The following ARHGAP18 variants were observed in gnomAD, a reference collection of about 807,000 sequenced individuals.
ARHGAP18 encodes the protein rho GTPase-activating protein 18.
A neutral mutation model predicts 86.2 loss-of-function variants in ARHGAP18; 67 were observed. The observed-to-expected ratio is 0.78, with a 90% CI of 0.64 to 0.95. The LOEUF is 0.95. ARHGAP18 is among the 40% of genes least tolerant of loss of function. The pLI is 0.00. For synonymous variants in ARHGAP18, 283 were observed against 280.4 expected, an observed-to-expected ratio of 1.01 and a Z score of -0.09; for missense variants, 691 against 780.4, an observed-to-expected ratio of 0.89 and a Z score of 1.37.
chr6:129,629,887 AAAAG>A (rs1355543344), intron 4 of ARHGAP18, among the ~76,000 whole-genome samples: 1 of 152,218 alleles, frequency 6.6e-6, no homozygotes, highest in Non-Finnish European at 1.5e-5. Context: ...TAAAAGCAAA[AAAAG>A]AAGGAGGTGA....
At chr6:129,579,080 T>C (rs1038001198) in intron 14 of ARHGAP18, among the ~76,000 whole-genome samples, 2 of 152,184 alleles carry the variant, frequency 1.3e-5, no homozygotes, top group African/African-American at 2.4e-5. Context: ...TTTCTCCAAA[T>C]GAATAGGTTT....
chr6:129,636,111 C>T (rs1773329433), intron 3 of ARHGAP18, among the ~76,000 whole-genome samples: 2 of 152,172 alleles, frequency 1.3e-5, no homozygotes, highest in African/African-American at 4.8e-5. Flanking sequence ...AATTTCCTTA[C>T]CATTCATTTT....
At position 129,614,438 on chromosome 6, in the gene ARHGAP18, T is replaced by C. The variant is rs563266695; in HGVS notation, c.1044+1774A>G. On this transcript the variant is annotated intron_variant, in intron 7 of 14. Transcript: ENST00000368149. ...TTATTTTTTATAGAAACAAAAATAC[T>C]TTAGGGCCATTATCCAATCCTTCAA... Among the ~76,000 whole-genome samples, 16 of 152,312 alleles carry C rather than the reference T, an allele frequency of 1.1e-4. No homozygotes were observed. In the East Asian group the frequency reaches 2.9e-3, roughly 28 times the overall value.
chr6:129,626,105 C>CACACACACACATATAT (rs1425322925), intron 5 of ARHGAP18, among the ~76,000 whole-genome samples: 26 of 124,872 alleles, frequency 2.1e-4, no homozygotes, highest in Non-Finnish European at 3.6e-4. Context: ...CACACACACA[C>CACACACACACATATAT]ATATATAGAA....
chr6:129,667,670 C>A (rs948014775), intron 1 of ARHGAP18, among the ~76,000 whole-genome samples: 1 of 151,610 alleles, frequency 6.6e-6, no homozygotes, highest in Non-Finnish European at 1.5e-5. Context: ...CCCTTCAGGT[C>A]AGGATTTGCC....
At chr6:129,633,676 T>A (rs1432226250) in intron 4 of ARHGAP18, among the ~76,000 whole-genome samples, 1 of 152,168 alleles carries the variant, frequency 6.6e-6, no homozygotes, top group African/African-American at 2.4e-5. Context: ...TGTGTTGCAT[T>A]GGAAAGTGGC....
At chr6:129,696,543 C>T (rs192301863) in intron 1 of ARHGAP18, among the ~76,000 whole-genome samples, 7 of 152,206 alleles carry the variant, frequency 4.6e-5, no homozygotes, top group Admixed American at 3.3e-4. Flanking sequence ...CCCAATCCTT[C>T]GAAAATATCA....
At position 129,618,814 on chromosome 6, in the gene ARHGAP18, C is replaced by T; in HGVS notation, c.825G>A (p.Arg275=). Residue 275 remains arginine (R), a synonymous_variant, in exon 6 of 15, where the codon AGG becomes AGA. Coordinates refer to ENST00000368149, the MANE Select transcript of ARHGAP18 (RefSeq NM_033515.3). The stretch of plus-strand genomic sequence containing the variant: ...TGTCCTGGGGTGCGAGGTCACCAAT[C>T]CTTGTGGTACCCGTTTTGTCTTTTG... The part of the protein sequence containing the change: ...RLPKDKTGTT[R]IGDLAPQDMK... 1 of 1,612,868 alleles carries T rather than the reference C, an allele frequency of 6.2e-7. No individual in the cohort carries two copies. The highest frequency in any genetic ancestry group is 8.5e-7 in the Non-Finnish European group (1 of 1,179,768).
intron 5 of ARHGAP18, among the ~76,000 whole-genome samples, chr6:129,619,725 G>A (rs1321538437): frequency 6.6e-6 from 1 of 151,128 alleles, no homozygotes; most frequent in East Asian, 2.0e-4. Flanking sequence ...ATGAGTGTAT[G>A]CTTAGAACAT....
intron 1 of ARHGAP18, among the ~76,000 whole-genome samples, chr6:129,690,510 C>T (rs1774508899): frequency 6.6e-6 from 1 of 152,144 alleles, no homozygotes; most frequent in African/African-American, 2.4e-5. Flanking sequence ...GTCTACATTA[C>T]TCACAAGTAC....
At chr6:129,607,022 G>C (rs2114456057) in intron 9 of ARHGAP18, among the ~76,000 whole-genome samples, 1 of 151,994 alleles carries the variant, frequency 6.6e-6, no homozygotes, top group African/African-American at 2.4e-5. Context: ...ACTATGCCTG[G>C]CTAATTTTTG....
At chr6:129,618,923 A>C in intron 5 of ARHGAP18, 71 bp from the exon 6 acceptor site, 1 of 1,345,048 alleles carries the variant, frequency 7.4e-7, no homozygotes, top group Non-Finnish European at 1.0e-6. Flanking sequence ...GGAAGGAAAA[A>C]CCAACTACAG....
intron 10 of ARHGAP18, among the ~76,000 whole-genome samples, chr6:129,603,307 T>C (rs1047023378): frequency 6.6e-6 from 1 of 152,216 alleles, no homozygotes; most frequent in African/African-American, 2.4e-5. Flanking sequence ...TCCAAGTTGT[T>C]GCAGAGGCCA....
chr6:129,647,717 T>C (rs1006696281), intron 1 of ARHGAP18, among the ~76,000 whole-genome samples: 1 of 151,872 alleles, frequency 6.6e-6, no homozygotes, highest in South Asian at 2.1e-4. Context: ...CCTCAGATCA[T>C]GACATATAAA....
At chr6:129,604,259 G>T (rs1687352876) in intron 10 of ARHGAP18, among the ~76,000 whole-genome samples, 1 of 148,196 alleles carries the variant, frequency 6.7e-6, no homozygotes, top group Non-Finnish European at 1.5e-5. Context: ...CAAAATGTAA[G>T]AACTATCCTA....
chr6:129,659,266 C>A (rs529922920), intron 1 of ARHGAP18, among the ~76,000 whole-genome samples: 2 of 152,148 alleles, frequency 1.3e-5, no homozygotes, highest in African/African-American at 4.8e-5. Context: ...AGGTTCTCCT[C>A]GTAGAGCCCA....
intron 1 of ARHGAP18, among the ~76,000 whole-genome samples, chr6:129,671,493 G>A (rs1774139787): frequency 6.6e-6 from 1 of 152,044 alleles, no homozygotes; most frequent in Non-Finnish European, 1.5e-5. Context: ...GAGCCTGGGG[G>A]TTCAAGATCA....
chr6:129,626,691 A>T (rs1789481601), intron 5 of ARHGAP18, among the ~76,000 whole-genome samples: 1 of 151,478 alleles, frequency 6.6e-6, no homozygotes, highest in Non-Finnish European at 1.5e-5. Flanking sequence ...ACACACACAC[A>T]CACACACAGA....
Position 129,634,019 on chromosome 6 carries a change from A to C in ARHGAP18, c.616+23T>G, listed in dbSNP as rs775370479. On this transcript the variant is annotated intron_variant, in intron 4 of 14. Transcript: ENST00000368149. ...AATTAAAGGGCGGAAAAAAAAAAAA[A>C]CAAGAGAACAGGTTCAACATACCAT... 22 of 1,578,840 alleles carry C rather than the reference A, an allele frequency of 1.4e-5. No individual in the cohort carries two copies. The Admixed American group carries it at 2.9e-4, about 21-fold the overall frequency.
Sources: allele counts gnomAD v4.1 joint callset (sites outside exome capture counted in the v4.1 genomes callset), GRCh38; gene constraint gnomAD v4.1.1; transcripts MANE v1.5; gene names NCBI Gene and HGNC (gene_info 2026-07-23, HGNC 2026-07-21).